The following HDAC9 variants were observed in gnomAD, a reference collection of about 807,000 sequenced individuals.
HDAC9 encodes the protein MEF-2 interacting transcription repressor (MITR) protein.
HDAC9 carries 41 observed loss-of-function variants against 139.4 expected under a neutral mutation model. The ratio of observed to expected loss-of-function variants is 0.29; its 90% CI spans 0.23 to 0.38. The LOEUF is 0.38. HDAC9 is among the 10% of genes least tolerant of loss of function. HDAC9 has a pLI of 1.00. For synonymous variants in HDAC9, 517 were observed against 476.2 expected (o/e 1.09, Z -1.12); for missense variants, 1,147 against 1,297.0 (o/e 0.88, Z 1.78).
chr7:18,775,230 A>G (rs1413667505), intron 16 of HDAC9, among the ~76,000 whole-genome samples: 1 of 152,096 alleles, frequency 6.6e-6, no homozygotes, highest in Non-Finnish European at 1.5e-5. Context: ...ATAATGATGA[A>G]AAACTTTTGA....
intron 1 of HDAC9, among the ~76,000 whole-genome samples, chr7:18,101,033 G>A (rs758979886): frequency 6.6e-6 from 1 of 152,076 alleles, no homozygotes; most frequent in Non-Finnish European, 1.5e-5. Flanking sequence ...TGAGTGCTGG[G>A]TACTGTTCCC....
At chr7:18,651,808 A>T (rs1435592231) in intron 11 of HDAC9, among the ~76,000 whole-genome samples, 1 of 152,096 alleles carries the variant, frequency 6.6e-6, no homozygotes, top group Non-Finnish European at 1.5e-5. Flanking sequence ...TTTGCCTCTT[A>T]CAGTTACGGT....
At chr7:18,558,710 A>T (rs114638359) in intron 2 of HDAC9, among the ~76,000 whole-genome samples, 8 of 152,186 alleles carry the variant, frequency 5.3e-5, no homozygotes, top group African/African-American at 1.9e-4. Context: ...CCACTTGAGC[A>T]CGAACTTTTC....
chr7:18,189,900 C>T (rs1790213139), intron 2 of HDAC9, among the ~76,000 whole-genome samples: 1 of 149,948 alleles, frequency 6.7e-6, no homozygotes, highest in African/African-American at 2.5e-5. Context: ...AAAGATTTAA[C>T]TTGTAAATAA....
chr7:18,316,870 G>C (rs1484609506), intron 1 of HDAC9, among the ~76,000 whole-genome samples: 2 of 151,620 alleles, frequency 1.3e-5, no homozygotes, highest in South Asian at 2.1e-4. Flanking sequence ...GAGGCAGGCA[G>C]ATCACGAGGT....
chr7:18,939,820 C>A (rs1246759586), intron 23 of HDAC9, among the ~76,000 whole-genome samples: 1 of 152,170 alleles, frequency 6.6e-6, no homozygotes, highest in Non-Finnish European at 1.5e-5. Flanking sequence ...TCTGGGATTT[C>A]ACTTTTACAA....
At chr7:18,174,610 G>T (rs190250860) in intron 2 of HDAC9, among the ~76,000 whole-genome samples, 72 of 152,322 alleles carry the variant, frequency 4.7e-4, no homozygotes, top group African/African-American at 1.7e-3. Flanking sequence ...GGTCTTTGAT[G>T]TTGGTGACCT....
intron 2 of HDAC9, among the ~76,000 whole-genome samples, chr7:18,515,487 CA>C (rs888166007): frequency 3.3e-4 from 50 of 152,234 alleles, no homozygotes; most frequent in African/African-American, 1.0e-3. Context: ...CAGCAGCTCC[CA>C]AAACATGAGG....
chr7:18,946,948 T>A (rs1210057705), intron 23 of HDAC9, among the ~76,000 whole-genome samples: 1 of 152,054 alleles, frequency 6.6e-6, no homozygotes, highest in Non-Finnish European at 1.5e-5. Context: ...ACTAATTGAA[T>A]TCATACATAG....
chr7:18,759,100 G>A (rs1789144446), intron 14 of HDAC9, among the ~76,000 whole-genome samples: 1 of 152,168 alleles, frequency 6.6e-6, no homozygotes, highest in African/African-American at 2.4e-5. Flanking sequence ...ATAACTAGCG[G>A]AGAAAACTGT....
At chr7:18,852,278 C>A (rs1352805329) in intron 21 of HDAC9, among the ~76,000 whole-genome samples, 1 of 152,148 alleles carries the variant, frequency 6.6e-6, no homozygotes, top group Non-Finnish European at 1.5e-5. Context: ...GATATATTGA[C>A]CATGCACTAG....
At chr7:18,286,976 A>G (rs1032781551), upstream of HDAC9, among the ~76,000 whole-genome samples, 1 of 152,190 alleles carries the variant, frequency 6.6e-6, no homozygotes, top group Non-Finnish European at 1.5e-5. Flanking sequence ...CATATCTAGA[A>G]CACAAGGTAA....
intron 22 of HDAC9, among the ~76,000 whole-genome samples, chr7:18,932,289 T>C (rs916210107): frequency 2.0e-5 from 3 of 152,192 alleles, no homozygotes; most frequent in African/African-American, 7.2e-5. Flanking sequence ...CAATTGCCCC[T>C]GAAATTGGAC....
Position 18,406,831 on chromosome 7 carries a change from T to G in HDAC9, c.-41-89431T>G, listed in dbSNP as rs942256994. 2.0e-5 allele frequency among the ~76,000 whole-genome samples: 3 copies of G among 152,302 alleles called. No individual in the cohort carries two copies. The South Asian group carries it at 6.2e-4, about 32-fold the overall frequency. ...TCATCTTTGTTTTTTTTCTCTCTTT[T>G]TCTAGTTATTAAAAATAATATAGTG... On this transcript the variant is annotated intron_variant, in intron 1 of 3. Coordinates refer to the HDAC9 transcript ENST00000413509.
intron 12 of HDAC9, among the ~76,000 whole-genome samples, chr7:18,699,456 A>G (rs976460015): frequency 6.6e-6 from 1 of 152,098 alleles, no homozygotes; most frequent in African/African-American, 2.4e-5. Context: ...AGGCAATTTA[A>G]TATGTTTCCA....
intron 2 of HDAC9, among the ~76,000 whole-genome samples, chr7:18,201,664 A>G (rs533110184): frequency 2.0e-5 from 3 of 152,214 alleles, no homozygotes; most frequent in Non-Finnish European, 4.4e-5. Flanking sequence ...ATACCCACTC[A>G]TGGAAAGCAG....
chr7:18,921,069 T>C (rs1487798723), intron 22 of HDAC9, among the ~76,000 whole-genome samples: 4 of 152,020 alleles, frequency 2.6e-5, no homozygotes, highest in African/African-American at 9.7e-5. Context: ...TTACACCTTA[T>C]ACAAAAATCA....
At chr7:18,111,091 T>C (rs886767705) in intron 1 of HDAC9, among the ~76,000 whole-genome samples, 1 of 152,170 alleles carries the variant, frequency 6.6e-6, no homozygotes, top group Non-Finnish European at 1.5e-5. Flanking sequence ...TGTTTGACTC[T>C]GAGGATGTGG....
At chr7:18,262,526 A>G (rs1423753321) in intron 2 of HDAC9, among the ~76,000 whole-genome samples, 1 of 152,218 alleles carries the variant, frequency 6.6e-6, no homozygotes, top group Non-Finnish European at 1.5e-5. Flanking sequence ...TTAGATCACA[A>G]TTCAAATCCA....
Sources: gnomAD v4.1 joint callset for allele counts (sites outside exome capture counted in the v4.1 genomes callset) on GRCh38, gnomAD v4.1.1 for gene constraint, MANE v1.5 for transcripts, NCBI Gene and HGNC (gene_info 2026-07-23, HGNC 2026-07-21) for gene names.